LSP1: variants seen among roughly 807,000 people sequenced by gnomAD.
LSP1 encodes the protein lymphocyte-specific protein 1.
LSP1 carries 32 observed loss-of-function variants against 49.3 expected under a neutral mutation model. The ratio of observed to expected loss-of-function variants is 0.65; its 90% CI spans 0.49 to 0.87. The LOEUF (loss-of-function observed/expected upper bound fraction) is 0.87, where lower values mean the gene tolerates loss of function less well. Among genes scored for constraint, LSP1 ranks in the 40% least tolerant of loss-of-function variants. LSP1 has a pLI of 0.00. For synonymous variants in LSP1, 179 were observed against 178.8 expected (o/e 1.00, Z -0.01); for missense variants, 428 against 442.6 (o/e 0.97, Z 0.30).
chr11:1,889,477 T>C (rs613638), intron 10 of LSP1: 601,375 of 620,456 alleles, frequency 0.97, 291,489 homozygotes, highest in East Asian at 1. Context: ...TCTGTGGGGG[T>C]GGGCACCTCT....
At chr11:1,861,832 T>C in intron 1 of LSP1, among the ~76,000 whole-genome samples, 1 of 151,242 alleles carries the variant, frequency 6.6e-6, no homozygotes, top group Admixed American at 6.6e-5. Context: ...AATGGATGGA[T>C]GGATGGATGG....
intron 1 of LSP1, among the ~76,000 whole-genome samples, chr11:1,864,751 C>G (rs1196360121): frequency 6.6e-6 from 1 of 151,734 alleles, no homozygotes; most frequent in Non-Finnish European, 1.5e-5. Flanking sequence ...GACACAGGGA[C>G]CAGGCTGCCT....
In LSP1 at chr11:1,883,294, T is replaced by C. The variant is rs906955810; in HGVS notation, c.357-125T>C. The C allele has an allele frequency of 6.6e-6, 8 of 1,219,114 alleles. No individual in the cohort carries two copies. In the African/African-American group the frequency reaches 1.2e-4, roughly 18 times the overall value. The allele number at this position is 1,219,114 out of a possible 1,614,324, so 75.5% of individuals were successfully genotyped here. ...CCAATGGGCTTGGGTCTCAGATCCC[T>C]TGGCACTCAAGTAGCCTGACTACCT... is the stretch of plus-strand genomic sequence containing the variant. On this transcript the variant is annotated intron_variant, in intron 3 of 10. Coordinates refer to ENST00000311604, the MANE Select transcript of LSP1 (RefSeq NM_002339.3).
chr11:1,864,223 C>A (rs1180668133), intron 1 of LSP1: 2 of 987,558 alleles, frequency 2.0e-6, no homozygotes, highest in African/African-American at 3.5e-5. Context: ...AGGGTCCAGG[C>A]CTGCGATGAT....
chr11:1,867,844 A>G (rs892978004), intron 1 of LSP1, among the ~76,000 whole-genome samples: 22 of 31,278 alleles, frequency 7.0e-4, no homozygotes, highest in Non-Finnish European at 1.1e-3. Flanking sequence ...CCCCTGCCCC[A>G]GCGATTCTCC....
At position 1,862,196 on chromosome 11, in the gene LSP1, A is replaced by G. The variant is rs536011250; in HGVS notation, c.53+8999A>G. On this transcript the variant is annotated intron_variant, in intron 1 of 10. Transcript: ENST00000311604. ...GACAGAGAGATGGATGGATGAGTAG[A>G]TGGATGGATGAGTGGGTGAATGGAT... 7.3e-4 allele frequency among the ~76,000 whole-genome samples: 111 copies of G among 152,246 alleles called. 2 individuals carry two copies. The South Asian group carries it at 0.022, about 30-fold the overall frequency.
At chr11:1,866,641 G>A (rs1847799923) in intron 1 of LSP1, 1 of 1,550,458 alleles carries the variant, frequency 6.4e-7, no homozygotes, top group African/African-American at 1.4e-5. Context: ...GGCTCTGCTG[G>A]TCAGACCTCC....
intron 2 of LSP1, chr11:1,881,183 G>A: frequency 2.3e-6 from 1 of 440,578 alleles, no homozygotes. Flanking sequence ...TAGCCCTGCT[G>A]AGCCTCAAGG....
chr11:1,873,580 A>G (rs1238335638), intron 1 of LSP1, among the ~76,000 whole-genome samples: 2 of 148,958 alleles, frequency 1.3e-5, no homozygotes, highest in African/African-American at 5.0e-5. Flanking sequence ...AGGAAGAGGG[A>G]GGAAGAAGGG....
intron 1 of LSP1, among the ~76,000 whole-genome samples, chr11:1,866,145 AACCCTTCC>A (rs1430646412): frequency 7.2e-5 from 11 of 151,996 alleles, no homozygotes; most frequent in Admixed American, 7.2e-4. Flanking sequence ...TCTCCTCCTC[AACCCTTCC>A]AGGCTTTTAA....
Position 1,853,264 on chromosome 11 carries a change from T to C in LSP1, c.53+67T>C, listed in dbSNP as rs953692209. ...ACGGGTGCATAGTCCTTGAGCTGCA[T>C]GGAGGGTGGAGAACTGAGGTGCCTG... is the stretch of plus-strand genomic sequence containing the variant. On this transcript the variant is annotated intron_variant, in intron 1 of 10. Transcript: ENST00000311604. The C allele has an allele frequency of 5.3e-6, 8 of 1,522,478 alleles. No individual in the cohort carries two copies. The Admixed American group carries it at 6.2e-5, about 12-fold the overall frequency. The allele number at this position is 1,522,478 out of a possible 1,614,324, so 94.3% of individuals were successfully genotyped here. A position where few individuals can be genotyped will look rare whatever the true frequency, so the allele number is the denominator to read the frequency against.
In LSP1 at chr11:1,870,404, G is replaced by T. The variant is rs947894440; in HGVS notation, c.54-9683G>T. The T allele has an allele frequency of 2.4e-6, 3 of 1,228,166 alleles. No individual in the cohort carries two copies. In the African/African-American group the frequency reaches 4.7e-5, roughly 19 times the overall value. The allele number at this position is 1,228,166 out of a possible 1,614,324, so 76.1% of individuals were successfully genotyped here. A position where few individuals can be genotyped will look rare whatever the true frequency, so the allele number is the denominator to read the frequency against. Reference sequence around the variant, plus strand: ...CCAGGGGCAGACTCTTTTCTGCTCTGCCATGTCTTCCCTGCACCCCCAGGG... The same window carrying T: ...CCAGGGGCAGACTCTTTTCTGCTCTTCCATGTCTTCCCTGCACCCCCAGGG... On this transcript the variant is annotated intron_variant, in intron 1 of 10. Transcript: ENST00000311604.
rs1303811106 is a variant in LSP1, at chr11:1,884,271, C to G, written c.592-9C>G. 6.2e-7 allele frequency: 1 copy of G among 1,613,936 alleles called. No individual in the cohort carries two copies. The highest frequency in any genetic ancestry group is 8.5e-7 in the Non-Finnish European group (1 of 1,179,970). On this transcript the variant is annotated splice_polypyrimidine_tract_variant and intron_variant, in intron 5 of 10. Transcript: ENST00000311604. The surrounding 1 kb of genome is among the most constrained non-coding windows in gnomAD (Gnocchi z 4.1). ...GCTGCAGGCCTGTGTCTCTCTCCAC[C>G]CTCTGCAGCTCATCGACAGGACCGA...
In LSP1 at chr11:1,871,412, G is replaced by A. The variant is rs1025759657; in HGVS notation, c.54-8675G>A. The A allele has an allele frequency of 6.1e-6, 6 of 986,230 alleles. No homozygotes were observed. In the Admixed American group the frequency reaches 2.5e-4, roughly 40 times the overall value. The allele number at this position is 986,230 out of a possible 1,614,324, so 61.1% of individuals were successfully genotyped here. A position where few individuals can be genotyped will look rare whatever the true frequency, so the allele number is the denominator to read the frequency against. On this transcript the variant is annotated intron_variant, in intron 1 of 10. Coordinates refer to ENST00000311604, the MANE Select transcript of LSP1 (RefSeq NM_002339.3). Reference sequence around the variant, plus strand: ...GCTGACCACAGAGCACATCAAAAGAGGTAGGGCACCCAGCGCAAGGGAGGT... The same window carrying A: ...GCTGACCACAGAGCACATCAAAAGAAGTAGGGCACCCAGCGCAAGGGAGGT...
chr11:1,889,939 G>A, intron 10 of LSP1: 1 of 631,090 alleles, frequency 1.6e-6, no homozygotes, highest in Non-Finnish European at 2.9e-6. Flanking sequence ...GCCCTGGGGG[G>A]ACTTGGGGTG....
intron 1 of LSP1, among the ~76,000 whole-genome samples, chr11:1,865,886 C>A (rs1215684795): frequency 6.6e-6 from 1 of 152,016 alleles, no homozygotes; most frequent in East Asian, 1.9e-4. Context: ...GCTGCAGCCA[C>A]CAACCCTGAG....
At chr11:1,859,876 C>A (rs1721884710) in intron 1 of LSP1, among the ~76,000 whole-genome samples, 1 of 152,170 alleles carries the variant, frequency 6.6e-6, no homozygotes, top group African/African-American at 2.4e-5. Context: ...ATTTATCCAC[C>A]AGGGATCACT....
intron 1 of LSP1, chr11:1,866,450 G>C: frequency 1.4e-6 from 2 of 1,455,864 alleles, no homozygotes. Context: ...GCTCCCACTT[G>C]TTGGGTCCGT....
chr11:1,883,341 T>C lies in LSP1; in HGVS notation c.357-78T>C. 3.2e-6 allele frequency: 5 copies of C among 1,549,740 alleles called. No homozygotes were observed. In the South Asian group the frequency reaches 3.5e-5, roughly 11 times the overall value. On this transcript the variant is annotated intron_variant, in intron 3 of 10. Transcript: ENST00000311604. ...ACCTTCATTTTACAGATGGGGAAAC[T>C]GAGGCTTGGAAAAAGGAAGGGGTCA...
Sources: allele counts gnomAD v4.1 joint callset (sites outside exome capture counted in the v4.1 genomes callset), GRCh38; gene constraint gnomAD v4.1.1; non-coding constraint Gnocchi (gnomAD v3.1); transcripts MANE v1.5; gene names NCBI Gene and HGNC (gene_info 2026-07-23, HGNC 2026-07-21).